Variants in CEP120 observed in about 807,000 individuals in gnomAD.
CEP120 encodes the protein centrosomal protein 120.
Under a neutral mutation model 126.5 loss-of-function variants are expected in CEP120, and 113 were observed. That is an observed-to-expected ratio of 0.89 (90% CI 0.77 to 1.04). CEP120 has a LOEUF of 1.04. Ranked by LOEUF, CEP120 falls within the 50% of genes least tolerant of loss-of-function variation. The pLI, the probability that CEP120 is intolerant of heterozygous loss-of-function variation, is 0.00. For synonymous variants in CEP120, 400 were observed against 394.3 expected, an observed-to-expected ratio of 1.01 and a Z score of -0.17; for missense variants, 1,230 against 1,155.7, an observed-to-expected ratio of 1.06 and a Z score of -0.93.
intron 18 of CEP120, among the ~76,000 whole-genome samples, chr5:123,351,852 A>G (rs1769219151): frequency 6.6e-6 from 1 of 152,132 alleles, no homozygotes; most frequent in African/African-American, 2.4e-5. Flanking sequence ...TCAGATTTTG[A>G]AGCATTTCCG....
intron 4 of CEP120, among the ~76,000 whole-genome samples, chr5:123,408,161 A>G (rs977052299): frequency 3.9e-5 from 6 of 152,226 alleles, no homozygotes; most frequent in Non-Finnish European, 8.8e-5. Context: ...TTAAATGCAT[A>G]TGTCTGTTAG....
chr5:123,411,554 A>G (rs1774060407), intron 4 of CEP120, among the ~76,000 whole-genome samples: 1 of 152,242 alleles, frequency 6.6e-6, no homozygotes, highest in African/African-American at 2.4e-5. Flanking sequence ...AGTAACTTAC[A>G]TGCACTTATG....
At chr5:123,351,493 T>C (rs1471885846) in intron 18 of CEP120, among the ~76,000 whole-genome samples, 1 of 152,180 alleles carries the variant, frequency 6.6e-6, no homozygotes, top group Non-Finnish European at 1.5e-5. Context: ...TGGAACACAT[T>C]TGTATGCATT....
chr5:123,352,142 GT>G (rs1281710668), intron 18 of CEP120, among the ~76,000 whole-genome samples: 4 of 151,888 alleles, frequency 2.6e-5, no homozygotes, highest in Admixed American at 6.6e-5. Flanking sequence ...ACTTTACTTG[GT>G]TGTCCATCTT....
Position 123,404,268 on chromosome 5 carries a change from T to C in CEP120, c.464-4984A>G, listed in dbSNP as rs186680105. Among the ~76,000 whole-genome samples, 307 of 152,370 alleles carry C rather than the reference T, an allele frequency of 2.0e-3. 1 individual carries two copies. Among genetic ancestry groups the C allele is most frequent in the African/African-American group, 7.1e-3 (296 of 41,590 alleles). ...AAAAAATAATAAAGCCTCTAGAATCTGACTTCCAAGCTCACATCCTGACTT... is the reference window on the plus strand; with the variant it reads ...AAAAAATAATAAAGCCTCTAGAATCCGACTTCCAAGCTCACATCCTGACTT... On this transcript the variant is annotated intron_variant, in intron 4 of 19. Coordinates refer to ENST00000306467, the MANE Select transcript of CEP120 (RefSeq NM_001375405.1).
Position 123,412,443 on chromosome 5 carries a change from A to G in CEP120, c.419T>C (p.Val140Ala). The G allele has an allele frequency of 6.2e-7, 1 of 1,612,112 alleles. No homozygotes were observed. Among genetic ancestry groups the G allele is most frequent in the Non-Finnish European group, 8.5e-7 (1 of 1,179,144 alleles). ...IALETDTKPP[V>A]DSFKAKGAPP... ...AGCCCCCTTTGCTTTAAAGCTATCC[A>G]CTGGTGGCTTTGTATCGGTTTCCAA... Residue 140 changes from valine (V) to alanine (A), a missense_variant, in exon 4 of 20, where the codon GTG becomes GCG. Val to Ala is a moderately conservative substitution (Grantham distance 64). Coordinates refer to ENST00000306467, the MANE Select transcript of CEP120 (RefSeq NM_001375405.1).
intron 14 of CEP120, among the ~76,000 whole-genome samples, chr5:123,380,596 T>C (rs1771568543): frequency 6.6e-6 from 1 of 152,058 alleles, no homozygotes; most frequent in African/African-American, 2.4e-5. Context: ...TCACAGAAAG[T>C]TTAATTATGG....
chr5:123,412,815 T>C (rs1774149170), intron 3 of CEP120, among the ~76,000 whole-genome samples: 1 of 152,210 alleles, frequency 6.6e-6, no homozygotes, highest in Non-Finnish European at 1.5e-5. Flanking sequence ...GCATAATATA[T>C]TTCTTTCTAC....
chr5:123,417,080 A>T (rs1205475330), intron 2 of CEP120, among the ~76,000 whole-genome samples: 2 of 152,112 alleles, frequency 1.3e-5, no homozygotes, highest in Non-Finnish European at 2.9e-5. Context: ...ATCACTTATA[A>T]ATTCAATTTA....
At chr5:123,408,913 A>G (rs1308692804) in intron 4 of CEP120, among the ~76,000 whole-genome samples, 1 of 152,228 alleles carries the variant, frequency 6.6e-6, no homozygotes, top group South Asian at 2.1e-4. Context: ...TCAGTGTATA[A>G]AAAGAATAAT....
chr5:123,356,755 T>C (rs991546026), intron 18 of CEP120, among the ~76,000 whole-genome samples: 2 of 152,106 alleles, frequency 1.3e-5, no homozygotes, highest in Non-Finnish European at 2.9e-5. Context: ...AACATTTCAC[T>C]CTCTCTCTTT....
intron 5 of CEP120, among the ~76,000 whole-genome samples, chr5:123,394,423 G>C (rs1772623958): frequency 6.6e-6 from 1 of 152,176 alleles, no homozygotes. Context: ...ATGTGTAGTT[G>C]ACAATAAGGT....
chr5:123,389,068 C>T (rs768289610), intron 8 of CEP120, among the ~76,000 whole-genome samples: 2 of 152,128 alleles, frequency 1.3e-5, no homozygotes, highest in Non-Finnish European at 2.9e-5. Flanking sequence ...TATTAGAGAT[C>T]AGAGATACTT....
At chr5:123,366,848 G>A (rs934499381) in intron 17 of CEP120, among the ~76,000 whole-genome samples, 1 of 151,694 alleles carries the variant, frequency 6.6e-6, no homozygotes, top group Non-Finnish European at 1.5e-5. Flanking sequence ...TACAGTATCT[G>A]TCCTACCCGC....
Position 123,382,803 on chromosome 5 carries a change from T to C in CEP120, c.1947A>G (p.Leu649=), listed in dbSNP as rs1771740463. The C allele has an allele frequency of 6.2e-7, 1 of 1,613,502 alleles. No homozygotes were observed. Among genetic ancestry groups the C allele is most frequent in the Non-Finnish European group, 8.5e-7 (1 of 1,179,678 alleles). The part of the protein sequence containing the change: ...SEIQTEPRET[L]EYKAALELEM... The stretch of plus-strand genomic sequence containing the variant: ...CTAGCTCAAGTGCTGCTTTGTATTC[T>C]AACGTTTCACGAGGCTCTGTCTGGA... The change falls in exon 13 of 20, where the codon TTA becomes TTG. Residue 649 remains leucine (L), a synonymous_variant. Transcript: ENST00000306467.
intron 18 of CEP120, among the ~76,000 whole-genome samples, chr5:123,355,786 A>G (rs2126980418): frequency 6.6e-6 from 1 of 151,606 alleles, no homozygotes; most frequent in African/African-American, 2.4e-5. Context: ...CTTTAATTAG[A>G]TCCCATTTGT....
intron 4 of CEP120, among the ~76,000 whole-genome samples, chr5:123,412,096 G>A (rs1387865931): frequency 6.6e-6 from 1 of 152,214 alleles, no homozygotes; most frequent in Non-Finnish European, 1.5e-5. Context: ...AGAACAGCAT[G>A]ATCATTTTGG....
Position 123,416,101 on chromosome 5 carries a change from A to C in CEP120, c.230T>G (p.Leu77Arg). The C allele has an allele frequency of 1.2e-6, 2 of 1,612,954 alleles. No individual in the cohort carries two copies. Among genetic ancestry groups the C allele is most frequent in the Non-Finnish European group, 1.7e-6 (2 of 1,178,910 alleles). ...TACAGGATCCAAGGCAAAACATTGGAGTTTGATAGGAGTACGCTGTAGCCT... is the reference window on the plus strand; with the variant it reads ...TACAGGATCCAAGGCAAAACATTGGCGTTTGATAGGAGTACGCTGTAGCCT... ...QHRLQRTPIK[L>R]QCFALDPVTS... Residue 77 changes from leucine to arginine, a missense_variant, in exon 3 of 20, where the codon CTC (leucine) becomes CGC (arginine). By Grantham distance (102) the Leu-to-Arg change is moderately radical. Transcript: ENST00000306467.
Position 123,367,414 on chromosome 5 carries a change from A to ATATG in CEP120, c.2482-2824_2482-2821dup, listed in dbSNP as rs199537573. On this transcript the variant is annotated intron_variant, in intron 17 of 19. Transcript: ENST00000306467. ...AATTATTGAAGCTATATTTATATAT[A>ATATG]TATGTATGTATGTATATATATCCCT... Among the ~76,000 whole-genome samples the ATATG allele has an allele frequency of 6.7e-3, 1,025 of 151,990 alleles. 15 individuals are homozygous for ATATG. Among genetic ancestry groups the ATATG allele is most frequent in the African/African-American group, 0.024 (977 of 41,504 alleles).
Sources: allele counts gnomAD v4.1 joint callset (sites outside exome capture counted in the v4.1 genomes callset), GRCh38; gene constraint gnomAD v4.1.1; transcripts MANE v1.5; gene names NCBI Gene and HGNC (gene_info 2026-07-23, HGNC 2026-07-21).